The following USP31 variants were observed in gnomAD, a reference collection of about 807,000 sequenced individuals.
USP31 encodes the protein ubiquitin specific peptidase 31, also known as ubiquitin carboxyl-terminal hydrolase 31.
Under a neutral mutation model 119.4 loss-of-function variants are expected in USP31, and 44 were observed. That is an observed-to-expected ratio of 0.37 (90% CI 0.29 to 0.47). USP31 has a LOEUF of 0.47. Among genes scored for constraint, USP31 ranks in the 20% least tolerant of loss-of-function variants. USP31 has a pLI of 0.99. For missense variants in USP31, 1,643 were observed against 1,730.2 expected (o/e 0.95, Z 0.89); for synonymous variants, 749 against 705.6 (o/e 1.06, Z -0.97).
In USP31 at chr16:23,063,038, A is replaced by G. The variant is rs1185155910; in HGVS notation, c.*5008T>C. 6.6e-6 allele frequency: 1 copy of G among 152,374 alleles called. No homozygotes were observed. Among genetic ancestry groups the G allele is most frequent in the African/African-American group, 2.4e-5 (1 of 41,438 alleles). The allele number at this position is 152,374 out of a possible 1,614,324, so 9.4% of individuals were successfully genotyped here. On this transcript the variant is annotated 3_prime_UTR_variant, in exon 16 of 16. Transcript: ENST00000219689. ...GGTAATTCCTGGATCCCACCCCTACATGAATTAGATCAAAAGCTAGGGACT... is the reference window on the plus strand; with the variant it reads ...GGTAATTCCTGGATCCCACCCCTACGTGAATTAGATCAAAAGCTAGGGACT...
intron 1 of USP31, among the ~76,000 whole-genome samples, chr16:23,114,522 T>C (rs900884765): frequency 1.3e-5 from 2 of 152,066 alleles, no homozygotes; most frequent in African/African-American, 2.4e-5. Context: ...AAACTCTTCA[T>C]TGTATTTCAA....
At chr16:23,097,477 A>G (rs1851675537) in intron 6 of USP31, among the ~76,000 whole-genome samples, 1 of 152,228 alleles carries the variant, frequency 6.6e-6, no homozygotes, top group African/African-American at 2.4e-5. Context: ...TCATTTTATG[A>G]GGCCAGCATC....
chr16:23,137,174 C>T (rs961273227), intron 1 of USP31, among the ~76,000 whole-genome samples: 1 of 152,182 alleles, frequency 6.6e-6, no homozygotes, highest in African/African-American at 2.4e-5. Context: ...TACTGAACCA[C>T]TGCACTCCAA....
chr16:23,107,547 G>T (rs1238480519), intron 2 of USP31, among the ~76,000 whole-genome samples: 1 of 152,136 alleles, frequency 6.6e-6, no homozygotes, highest in Non-Finnish European at 1.5e-5. Flanking sequence ...CATTATATAA[G>T]TCATTTTACC....
Position 23,149,300 on chromosome 16 carries a change from C to A in USP31, c.-30G>T. 3.8e-6 allele frequency: 4 copies of A among 1,039,894 alleles called. No homozygotes were observed. The highest frequency in any genetic ancestry group is 4.6e-6 in the Non-Finnish European group (4 of 866,842). The allele number at this position is 1,039,894 out of a possible 1,614,324, so 64.4% of individuals were successfully genotyped here. A position where few individuals can be genotyped will look rare whatever the true frequency, so the allele number is the denominator to read the frequency against. On this transcript the variant is annotated 5_prime_UTR_variant, in exon 1 of 16. Coordinates refer to ENST00000219689, the MANE Select transcript of USP31 (RefSeq NM_020718.4). ...GCGGCCGCAGACACTCATCACCGCG[C>A]CCGCCCGCCCGGCCCGCGGCCCCGC...
At chr16:23,129,614 A>G (rs1264372980) in intron 1 of USP31, among the ~76,000 whole-genome samples, 1 of 152,212 alleles carries the variant, frequency 6.6e-6, no homozygotes, top group Non-Finnish European at 1.5e-5. Flanking sequence ...AGGGAAATGC[A>G]GGTTCATCGT....
At chr16:23,071,582 G>A (rs1370706749) in intron 15 of USP31, among the ~76,000 whole-genome samples, 2 of 152,088 alleles carry the variant, frequency 1.3e-5, no homozygotes, top group Non-Finnish European at 2.9e-5. Flanking sequence ...ACATTCCACA[G>A]CTTCCTCCCT....
intron 6 of USP31, among the ~76,000 whole-genome samples, chr16:23,097,182 T>C (rs904515908): frequency 1.3e-5 from 2 of 152,042 alleles, no homozygotes; most frequent in African/African-American, 4.8e-5. Flanking sequence ...CCCACAGAAA[T>C]ACAAACTACC....
At chr16:23,147,136 G>C (rs746864211) in intron 1 of USP31, among the ~76,000 whole-genome samples, 9 of 152,036 alleles carry the variant, frequency 5.9e-5, no homozygotes, top group Non-Finnish European at 1.3e-4. Flanking sequence ...TTTACAGATA[G>C]AGTTTCCTGT....
intron 15 of USP31, among the ~76,000 whole-genome samples, chr16:23,070,974 T>A (rs556070637): frequency 2.0e-5 from 3 of 152,164 alleles, no homozygotes; most frequent in African/African-American, 4.8e-5. Context: ...CAAACCTTAT[T>A]GAGGCTTATC....
chr16:23,117,646 T>C (rs1902533793), intron 1 of USP31, among the ~76,000 whole-genome samples: 1 of 152,114 alleles, frequency 6.6e-6, no homozygotes, highest in Non-Finnish European at 1.5e-5. Flanking sequence ...ACTTACACAA[T>C]GGTAAAAACT....
chr16:23,080,316 A>C, intron 12 of USP31, 145 bp from the exon 13 acceptor site: 1 of 715,854 alleles, frequency 1.4e-6, no homozygotes, highest in Non-Finnish European at 2.3e-6. Flanking sequence ...TCAGGGAAAC[A>C]GATGATAGTT....
At chr16:23,079,360 T>C (rs917315600) in intron 13 of USP31, 5 of 152,154 alleles carry the variant, frequency 3.3e-5, no homozygotes, top group African/African-American at 4.8e-5. Flanking sequence ...ACAAGGTCAA[T>C]TTAACCTTAA....
intron 13 of USP31, among the ~76,000 whole-genome samples, chr16:23,078,772 T>C (rs1466258769): frequency 6.6e-6 from 1 of 152,034 alleles, no homozygotes; most frequent in Admixed American, 6.5e-5. Context: ...AACAACAAAA[T>C]GCCAGTAAAA....
Position 23,068,836 on chromosome 16 carries a change from G to A in USP31, c.3269C>T (p.Pro1090Leu). The change falls in exon 16 of 16, where the codon CCT becomes CTT. Residue 1090 changes from proline to leucine, a missense_variant. By Grantham distance (98) the Pro-to-Leu change is moderately conservative. This residue lies in a region of USP31 where 699 missense variants were observed against 650.9 expected (regional missense o/e 1.07). Coordinates refer to ENST00000219689, the MANE Select transcript of USP31 (RefSeq NM_020718.4). ...SSRGSGRHSS[P>L]APAQPKKESS... ...CTCCTTTTTGGGTTGGGCAGGGGCA[G>A]GGGATGAATGCCGTCCACTGCCCCT... The A allele has an allele frequency of 6.4e-7, 1 of 1,562,862 alleles. No homozygotes were observed. Among genetic ancestry groups the A allele is most frequent in the African/African-American group, 1.4e-5 (1 of 73,262 alleles).
chr16:23,149,200 C>A lies in USP31; in HGVS notation c.71G>T (p.Ser24Ile). Residue 24 changes from serine to isoleucine, a missense_variant, in exon 1 of 16, where the codon AGC becomes ATC. Physicochemically the swap from Ser to Ile is moderately radical, Grantham distance 142. This residue lies in a region of USP31 where 302 missense variants were observed against 262.6 expected (regional missense o/e 1.15). Transcript: ENST00000219689. ...GCGGCCGCTCCGAAACAGCCGCTTGCTGAAGGAGCGCTTCTCCTTCCCGCT... is the reference window on the plus strand; with the variant it reads ...GCGGCCGCTCCGAAACAGCCGCTTGATGAAGGAGCGCTTCTCCTTCCCGCT... ...AASGKEKRSFSKRLFRSGRAG... is the reference protein window; with the variant it reads ...AASGKEKRSFIKRLFRSGRAG... The A allele has an allele frequency of 8.6e-7, 1 of 1,156,548 alleles. No homozygotes were observed. The allele number at this position is 1,156,548 out of a possible 1,614,324, so 71.6% of individuals were successfully genotyped here. A position where few individuals can be genotyped will look rare whatever the true frequency, so the allele number is the denominator to read the frequency against.
chr16:23,144,000 A>G (rs905081916), intron 1 of USP31, among the ~76,000 whole-genome samples: 2 of 152,208 alleles, frequency 1.3e-5, no homozygotes, highest in Admixed American at 1.3e-4. Flanking sequence ...GGTAATGGCT[A>G]GAGACATTTT....
chr16:23,092,011 G>C (rs1296326007), intron 6 of USP31, among the ~76,000 whole-genome samples: 1 of 152,198 alleles, frequency 6.6e-6, no homozygotes, highest in Non-Finnish European at 1.5e-5. Flanking sequence ...CTCCTGACGA[G>C]ATAAGGGGAT....
In USP31 at chr16:23,068,732, C is replaced by G; in HGVS notation, c.3373G>C (p.Ala1125Pro). 2 of 1,610,156 alleles carry G rather than the reference C, an allele frequency of 1.2e-6. No individual in the cohort carries two copies. The highest frequency in any genetic ancestry group is 1.7e-6 in the Non-Finnish European group (2 of 1,178,350). ...QKSASALTYT[A>P]SSTSAKKASG... ...GCCTTTTTGGCAGATGTGGAGGAAG[C>G]AGTGTAGGTGAGGGCCGAGGCTGAC... The change falls in exon 16 of 16, where the codon GCT becomes CCT. Residue 1125 changes from alanine to proline, a missense_variant. Physicochemically the swap from Ala to Pro is conservative, Grantham distance 27 (BLOSUM62 -1). This residue lies in a region of USP31 where 699 missense variants were observed against 650.9 expected (regional missense o/e 1.07). Transcript: ENST00000219689.
Sources: allele counts gnomAD v4.1 joint callset (sites outside exome capture counted in the v4.1 genomes callset), GRCh38; gene constraint gnomAD v4.1.1; regional missense constraint gnomAD v4.1.1; transcripts MANE v1.5; gene names NCBI Gene and HGNC (gene_info 2026-07-23, HGNC 2026-07-21).